Variants in DOCK1 observed in about 807,000 individuals in gnomAD.
DOCK1 encodes dedicator of cytokinesis protein 1.
In DOCK1, 138 loss-of-function variants were observed where a neutral mutation model predicts 262.7. The observed-to-expected ratio is 0.53, with a 90% CI of 0.46 to 0.61. The LOEUF is 0.61. Among genes scored for constraint, DOCK1 ranks in the 20% least tolerant of loss-of-function variants. The pLI is 0.00. For missense variants in DOCK1, 1,908 were observed against 2,370.7 expected, an observed-to-expected ratio of 0.80 and a Z score of 4.05; for synonymous variants, 866 against 867.4, an observed-to-expected ratio of 1.00 and a Z score of 0.03.
rs956850012 is a variant in DOCK1, at chr10:126,939,218, C to T, written c.47-31484C>T. 6.9e-4 allele frequency among the ~76,000 whole-genome samples: 105 copies of T among 152,232 alleles called. 2 individuals are homozygous for T. Among genetic ancestry groups the T allele is most frequent in the Non-Finnish European group, 5.9e-4 (40 of 68,004 alleles). ...CTTCTATAAGGGGCCTGATTCCATC[C>T]GTGAAGGTTTCATCCTCCTGATTTA... On this transcript the variant is annotated intron_variant, in intron 1 of 51. Transcript: ENST00000623213.
At chr10:127,445,866 G>A (rs961873504) in intron 50 of DOCK1, among the ~76,000 whole-genome samples, 3 of 152,216 alleles carry the variant, frequency 2.0e-5, no homozygotes, top group Non-Finnish European at 2.9e-5. Context: ...GCTACAGCAC[G>A]GACGAACCTC....
intron 47 of DOCK1, among the ~76,000 whole-genome samples, chr10:127,430,483 T>C (rs1172080771): frequency 6.6e-6 from 1 of 152,116 alleles, no homozygotes; most frequent in Non-Finnish European, 1.5e-5. Flanking sequence ...CAGGGTTCTG[T>C]TTCAGATGCA....
At chr10:127,266,495 AC>A in intron 29 of DOCK1, among the ~76,000 whole-genome samples, 1 of 152,098 alleles carries the variant, frequency 6.6e-6, no homozygotes, top group South Asian at 2.1e-4. Flanking sequence ...ACACACACAC[AC>A]ACACACACAC....
intron 2 of DOCK1, among the ~76,000 whole-genome samples, chr10:126,971,346 C>T (rs917769917): frequency 7.9e-5 from 12 of 152,146 alleles, no homozygotes; most frequent in Non-Finnish European, 1.6e-4. Flanking sequence ...GTCCACTCTG[C>T]CTGGCCAAGT....
At chr10:127,426,040 G>A in intron 47 of DOCK1, 29 bp downstream of exon 47, 1 of 1,612,398 alleles carries the variant, frequency 6.2e-7, no homozygotes, top group African/African-American at 1.3e-5. Flanking sequence ...TAGTGTTGCA[G>A]AAGAGTGGGT....
At chr10:127,120,862 AGCT>A (rs2049513639) in intron 25 of DOCK1, among the ~76,000 whole-genome samples, 2 of 152,218 alleles carry the variant, frequency 1.3e-5, no homozygotes, top group African/African-American at 4.8e-5. Context: ...TTAGTTGAAC[AGCT>A]GACTTTGTAT....
chr10:127,261,945 T>G (rs1383387658), intron 29 of DOCK1, among the ~76,000 whole-genome samples: 11 of 145,082 alleles, frequency 7.6e-5, no homozygotes, highest in Non-Finnish European at 1.6e-4. Flanking sequence ...TGTGGGTGTG[T>G]GTGTGTGTAC....
intron 29 of DOCK1, among the ~76,000 whole-genome samples, chr10:127,324,620 T>G (rs2062680153): frequency 6.6e-6 from 1 of 152,174 alleles, no homozygotes; most frequent in Non-Finnish European, 1.5e-5. Context: ...TTCGGTTTTT[T>G]TTTTAAAAGA....
intron 27 of DOCK1, chr10:127,146,047 A>C: frequency 1.9e-6 from 1 of 518,542 alleles, no homozygotes; most frequent in Non-Finnish European, 3.9e-6. Flanking sequence ...ACCCAGCCCT[A>C]GACATCGTGG....
intron 18 of DOCK1, among the ~76,000 whole-genome samples, chr10:127,032,808 C>T (rs567962658): frequency 6.6e-5 from 10 of 152,324 alleles, no homozygotes; most frequent in African/African-American, 2.2e-4. Context: ...CCTCCCGCCT[C>T]GGTCTCCCAG....
chr10:127,028,381 C>A (rs554120743), intron 16 of DOCK1, among the ~76,000 whole-genome samples: 1 of 152,326 alleles, frequency 6.6e-6, no homozygotes, highest in South Asian at 2.1e-4. Flanking sequence ...ATGCTCTTAT[C>A]ATGTGCCCGA....
chr10:127,107,928 C>A (rs1336437548), intron 24 of DOCK1, among the ~76,000 whole-genome samples: 2 of 152,182 alleles, frequency 1.3e-5, no homozygotes, highest in Non-Finnish European at 2.9e-5. Context: ...TGAGCCGGGC[C>A]TGTCCTCACT....
At chr10:127,206,496 C>T (rs529776377) in intron 27 of DOCK1, among the ~76,000 whole-genome samples, 18 of 152,206 alleles carry the variant, frequency 1.2e-4, no homozygotes, top group East Asian at 1.9e-4. Flanking sequence ...TTACTTAATA[C>T]GCTATCAATG....
chr10:127,157,675 A>G (rs2053214768), intron 27 of DOCK1, among the ~76,000 whole-genome samples: 1 of 152,178 alleles, frequency 6.6e-6, no homozygotes, highest in Non-Finnish European at 1.5e-5. Flanking sequence ...TTTTTTAGCT[A>G]GTTGAAAACA....
chr10:127,147,288 G>A (rs905566820), intron 27 of DOCK1, among the ~76,000 whole-genome samples: 2 of 152,132 alleles, frequency 1.3e-5, no homozygotes, highest in African/African-American at 4.8e-5. Context: ...ATCCTTGGGG[G>A]TGCCCTGGCT....
chr10:127,003,433 C>T (rs2040752015), intron 10 of DOCK1, among the ~76,000 whole-genome samples: 1 of 152,218 alleles, frequency 6.6e-6, no homozygotes, highest in South Asian at 2.1e-4. Context: ...GGGAAGATTT[C>T]AGGCCTGCAG....
At chr10:127,247,124 C>T (rs149305580) in intron 27 of DOCK1, among the ~76,000 whole-genome samples, 20 of 152,326 alleles carry the variant, frequency 1.3e-4, no homozygotes, top group Non-Finnish European at 2.2e-4. Flanking sequence ...CTTCAGGGCA[C>T]GCAAACAAAC....
At chr10:126,986,125 T>C (rs2039367885) in intron 4 of DOCK1, among the ~76,000 whole-genome samples, 1 of 152,116 alleles carries the variant, frequency 6.6e-6, no homozygotes, top group African/African-American at 2.4e-5. Flanking sequence ...ATTACAGGCG[T>C]GAGCCACCAC....
At chr10:127,339,668 G>C (rs550181959) in intron 30 of DOCK1, among the ~76,000 whole-genome samples, 2 of 144,948 alleles carry the variant, frequency 1.4e-5, no homozygotes, top group African/African-American at 5.1e-5. Context: ...CATGCATGCT[G>C]TAAGGATTGA....
Sources: gnomAD v4.1 joint callset for allele counts (sites outside exome capture counted in the v4.1 genomes callset) on GRCh38, gnomAD v4.1.1 for gene constraint, MANE v1.5 for transcripts, NCBI Gene and HGNC (gene_info 2026-07-23, HGNC 2026-07-21) for gene names.